Variants in TMEM72 observed in about 807,000 individuals in gnomAD.
The protein encoded by TMEM72 is transmembrane protein 72, also known as kidney-specific secretory protein of 37 kDa.
TMEM72 carries 9 observed loss-of-function variants against 16.3 expected under a neutral mutation model. The observed-to-expected ratio is 0.55, with a 90% CI of 0.33 to 0.96. The LOEUF (loss-of-function observed/expected upper bound fraction) is 0.96, where lower values mean the gene tolerates loss of function less well. Ranked by LOEUF, TMEM72 falls within the 40% of genes least tolerant of loss-of-function variation. TMEM72 has a pLI of 0.03. For missense variants in TMEM72, 324 were observed against 337.8 expected, an observed-to-expected ratio of 0.96 and a Z score of 0.32; for synonymous variants, 160 against 146.5, an observed-to-expected ratio of 1.09 and a Z score of -0.66.
At chr10:44,933,028 C>T (rs1840328362) in intron 3 of TMEM72, among the ~76,000 whole-genome samples, 1 of 152,248 alleles carries the variant, frequency 6.6e-6, no homozygotes, top group Non-Finnish European at 1.5e-5. Context: ...GATGGAGGCG[C>T]TGGGTCTAAA....
chr10:44,912,309 G>T (rs1839949254), intron 1 of TMEM72, among the ~76,000 whole-genome samples: 1 of 152,182 alleles, frequency 6.6e-6, no homozygotes, highest in Non-Finnish European at 1.5e-5. Flanking sequence ...CCTGAGCCCT[G>T]CCTGCTCGCT....
Position 44,913,452 on chromosome 10 carries a change from G to GCACA in TMEM72, c.70+1893_70+1896dup, listed in dbSNP as rs35296531. Among the ~76,000 whole-genome samples, 235 of 148,862 alleles carry GCACA rather than the reference G, an allele frequency of 1.6e-3. 2 individuals are homozygous for GCACA. Among genetic ancestry groups the GCACA allele is most frequent in the South Asian group, 0.015 (72 of 4,646 alleles). On this transcript the variant is annotated intron_variant, in intron 1 of 4. Transcript: ENST00000389583. The stretch of plus-strand genomic sequence containing the variant: ...CAGCCCCTGACACTCCCATGTGCAC[G>GCACA]CACACACACACACACACACACACAC...
intron 1 of TMEM72, among the ~76,000 whole-genome samples, chr10:44,924,864 G>C (rs543853007): frequency 6.6e-6 from 1 of 152,248 alleles, no homozygotes; most frequent in African/African-American, 2.4e-5. Flanking sequence ...AATCCTGCTG[G>C]CTATGGTTGG....
intron 2 of TMEM72, among the ~76,000 whole-genome samples, chr10:44,931,007 A>G (rs992852360): frequency 2.0e-5 from 3 of 152,204 alleles, no homozygotes; most frequent in African/African-American, 7.2e-5. Flanking sequence ...GAGCCCAATA[A>G]GCCCGACCCA....
Position 44,912,407 on chromosome 10 carries a change from C to T in TMEM72, c.70+825C>T, listed in dbSNP as rs549846630. On this transcript the variant is annotated intron_variant, in intron 1 of 4. Transcript: ENST00000389583. ...AAATGAACAGGCAGAATTCTGAGCC[C>T]TTAACTCTGAGCCACATTGTCCCTT... is the stretch of plus-strand genomic sequence containing the variant. Among the ~76,000 whole-genome samples, 5 of 152,358 alleles carry T rather than the reference C, an allele frequency of 3.3e-5. No homozygotes were observed. In the East Asian group the frequency reaches 9.6e-4, roughly 29 times the overall value.
Position 44,935,191 on chromosome 10 carries a change from TC to T in TMEM72, c.*60del. The T allele has an allele frequency of 6.7e-7, 1 of 1,482,196 alleles. No homozygotes were observed. Among genetic ancestry groups the T allele is most frequent in the Non-Finnish European group, 9.0e-7 (1 of 1,105,386 alleles). The allele number at this position is 1,482,196 out of a possible 1,614,324, so 91.8% of individuals were successfully genotyped here. The stretch of plus-strand genomic sequence containing the variant: ...AGGGGTCTACCTAGCTCAATGGCCC[TC>T]CCTGGAGTTTCAGGGTCTTCTCTGG... On this transcript the variant is annotated 3_prime_UTR_variant, in exon 5 of 5. Coordinates refer to ENST00000389583, the MANE Select transcript of TMEM72 (RefSeq NM_001123376.3).
intron 1 of TMEM72, among the ~76,000 whole-genome samples, chr10:44,912,674 G>A (rs1234449154): frequency 2.6e-5 from 4 of 152,212 alleles, no homozygotes; most frequent in Non-Finnish European, 5.9e-5. Flanking sequence ...GATTAAGGAT[G>A]CAGGAACTGA....
chr10:44,922,050 C>T (rs1840107803), intron 1 of TMEM72, among the ~76,000 whole-genome samples: 1 of 152,180 alleles, frequency 6.6e-6, no homozygotes, highest in Non-Finnish European at 1.5e-5. Flanking sequence ...GGAGGTGTGC[C>T]TCCCTAATTT....
rs372805391 is a variant in TMEM72 at position 44,935,163 on chromosome 10, G to T, written c.*29G>T. On this transcript the variant is annotated 3_prime_UTR_variant, in exon 5 of 5. Coordinates refer to ENST00000389583, the MANE Select transcript of TMEM72 (RefSeq NM_001123376.3). ...CTTGCTCCAGCCTGGAGGACGCTCA[G>T]TGAGGGGTCTACCTAGCTCAATGGC... The T allele has an allele frequency of 1.3e-6, 2 of 1,539,546 alleles. No homozygotes were observed. The highest frequency in any genetic ancestry group is 1.7e-6 in the Non-Finnish European group (2 of 1,143,744).
chr10:44,926,025 T>TCA (rs59066381), intron 1 of TMEM72, among the ~76,000 whole-genome samples: 5 of 146,270 alleles, frequency 3.4e-5, no homozygotes, highest in East Asian at 2.0e-4. Context: ...ACACATACAC[T>TCA]CACACACACA....
intron 1 of TMEM72, among the ~76,000 whole-genome samples, chr10:44,925,847 G>A (rs1446512491): frequency 2.0e-5 from 3 of 152,066 alleles, no homozygotes; most frequent in Non-Finnish European, 4.4e-5. Flanking sequence ...ATAGGACATG[G>A]CGAAAACCAA....
intron 2 of TMEM72, among the ~76,000 whole-genome samples, chr10:44,928,799 T>TATCC (rs1840244070): frequency 7.3e-6 from 1 of 137,786 alleles, no homozygotes; most frequent in South Asian, 2.4e-4. Flanking sequence ...TCCATACATC[T>TATCC]ATCCATCCAT....
At chr10:44,912,274 T>C (rs1409572099) in intron 1 of TMEM72, among the ~76,000 whole-genome samples, 1 of 152,158 alleles carries the variant, frequency 6.6e-6, no homozygotes, top group African/African-American at 2.4e-5. Flanking sequence ...GGGCAGACTG[T>C]TAGAGCAGAG....
At chr10:44,932,135 C>T (rs1341040939) in intron 3 of TMEM72, 66 bp downstream of exon 3, 5 of 1,529,168 alleles carry the variant, frequency 3.3e-6, no homozygotes, top group East Asian at 4.6e-5. Flanking sequence ...GATGTCTCCA[C>T]CCAAGAGCCC....
At chr10:44,932,474 C>T (rs1297129630) in intron 3 of TMEM72, among the ~76,000 whole-genome samples, 1 of 152,172 alleles carries the variant, frequency 6.6e-6, no homozygotes, top group Non-Finnish European at 1.5e-5. Context: ...CTTCCTAGGG[C>T]CCGGGGGCAA....
intron 1 of TMEM72, among the ~76,000 whole-genome samples, chr10:44,916,114 G>T (rs1189640710): frequency 6.6e-6 from 1 of 152,170 alleles, no homozygotes; most frequent in Admixed American, 6.5e-5. Context: ...TCCGGTGTTA[G>T]AACTCCACTC....
At chr10:44,919,900 GC>G (rs1446176727) in intron 1 of TMEM72, 2 of 152,220 alleles carry the variant, frequency 1.3e-5, no homozygotes, top group Non-Finnish European at 2.9e-5. Flanking sequence ...CAACTTCTGA[GC>G]TAAGAAGCCT....
chr10:44,932,180 T>C, intron 3 of TMEM72, 111 bp downstream of exon 3: 1 of 1,287,408 alleles, frequency 7.8e-7, no homozygotes, highest in Non-Finnish European at 1.1e-6. Context: ...GAAGCCACTG[T>C]GGACAGGAGC....
chr10:44,915,930 GA>G lies in TMEM72; in HGVS notation c.70+4349del, dbSNP rs1840007436. 2.0e-5 allele frequency among the ~76,000 whole-genome samples: 3 copies of G among 152,250 alleles called. No individual in the cohort carries two copies. In the South Asian group the frequency reaches 6.2e-4, roughly 32 times the overall value. The stretch of plus-strand genomic sequence containing the variant: ...GAACTATCACAGTAGGGCTTGCCTT[GA>G]TGGGTCCAGAGGTGCAGGGCTGACT... On this transcript the variant is annotated intron_variant, in intron 1 of 4. Transcript: ENST00000389583.
Sources: gnomAD v4.1 joint callset for allele counts (sites outside exome capture counted in the v4.1 genomes callset) on GRCh38, gnomAD v4.1.1 for gene constraint, MANE v1.5 for transcripts, NCBI Gene and HGNC (gene_info 2026-07-23, HGNC 2026-07-21) for gene names.